ARHGAP24: variants seen among roughly 807,000 people sequenced by gnomAD.
ARHGAP24 encodes rho GTPase-activating protein 24.
ARHGAP24 carries 50 observed loss-of-function variants against 76.4 expected under a neutral mutation model. That is an observed-to-expected ratio of 0.65 (90% CI 0.52 to 0.83). ARHGAP24 has a LOEUF of 0.83. Ranked by LOEUF, ARHGAP24 falls within the 40% of genes least tolerant of loss-of-function variation. The probability of loss-of-function intolerance (pLI) is 0.00; values close to 1 mark genes in which losing one functional copy is unlikely to be tolerated. For missense variants in ARHGAP24, 930 were observed against 914.2 expected (o/e 1.02, Z -0.22); for synonymous variants, 345 against 323.3 (o/e 1.07, Z -0.72).
intron 3 of ARHGAP24, among the ~76,000 whole-genome samples, chr4:85,914,686 T>A (rs1424034462): frequency 6.6e-6 from 1 of 152,178 alleles, no homozygotes; most frequent in African/African-American, 2.4e-5. Context: ...TCTCACCAAT[T>A]TTCCTCAGTA....
At chr4:85,545,299 C>T (rs181087279) in intron 1 of ARHGAP24, among the ~76,000 whole-genome samples, 15 of 152,108 alleles carry the variant, frequency 9.9e-5, no homozygotes, top group African/African-American at 3.4e-4. Flanking sequence ...GGGGTTTCGC[C>T]AAGTTGGCCA....
At chr4:85,786,423 A>C (rs1727846560) in intron 3 of ARHGAP24, among the ~76,000 whole-genome samples, 1 of 152,182 alleles carries the variant, frequency 6.6e-6, no homozygotes, top group Non-Finnish European at 1.5e-5. Flanking sequence ...CCTTCCACAC[A>C]ATGTTTTCTT....
Position 85,647,929 on chromosome 4 carries a change from T to C in ARHGAP24, c.181-73956T>C, listed in dbSNP as rs1181105161. On this transcript the variant is annotated intron_variant, in intron 2 of 9. Transcript: ENST00000395184. The stretch of plus-strand genomic sequence containing the variant: ...GTGTCTGTTTTCCCCAACTAGAATG[T>C]AAGCTTTATGTGGGAAGGTATTTTT... Among the ~76,000 whole-genome samples, 5 of 152,206 alleles carry C rather than the reference T, an allele frequency of 3.3e-5. No individual in the cohort carries two copies. In the East Asian group the frequency reaches 9.6e-4, roughly 29 times the overall value.
At chr4:85,908,056 C>T (rs1246226599) in intron 3 of ARHGAP24, among the ~76,000 whole-genome samples, 1 of 152,150 alleles carries the variant, frequency 6.6e-6, no homozygotes, top group African/African-American at 2.4e-5. Context: ...GCAGAAGAGA[C>T]ACTTGAGCTA....
At chr4:85,742,207 G>C (rs1448170431) in intron 3 of ARHGAP24, among the ~76,000 whole-genome samples, 1 of 152,224 alleles carries the variant, frequency 6.6e-6, no homozygotes, top group Non-Finnish European at 1.5e-5. Context: ...GGAGGCAGAA[G>C]CTGGCAGCTG....
At chr4:85,972,526 A>C (rs1009953783) in intron 6 of ARHGAP24, among the ~76,000 whole-genome samples, 4 of 152,294 alleles carry the variant, frequency 2.6e-5, no homozygotes, top group African/African-American at 9.6e-5. Context: ...AGTGGCTTCT[A>C]TACAAAATCC....
intron 3 of ARHGAP24, among the ~76,000 whole-genome samples, chr4:85,856,463 AAAT>A (rs1334416787): frequency 7.3e-6 from 1 of 137,106 alleles, no homozygotes; most frequent in African/African-American, 2.6e-5. Context: ...TTTTAAAAGG[AAAT>A]TACTCTTTTT....
chr4:85,750,920 GT>G (rs1471895020), intron 3 of ARHGAP24, among the ~76,000 whole-genome samples: 1 of 152,132 alleles, frequency 6.6e-6, no homozygotes, highest in African/African-American at 2.4e-5. Context: ...TTTGTTGCAG[GT>G]ATCAAAGAGT....
chr4:85,853,782 C>T (rs1023281009), intron 3 of ARHGAP24, among the ~76,000 whole-genome samples: 6 of 151,956 alleles, frequency 3.9e-5, no homozygotes, highest in African/African-American at 1.5e-4. Context: ...GGTGAAACCT[C>T]GTCTCTACTA....
intron 2 of ARHGAP24, among the ~76,000 whole-genome samples, chr4:85,702,982 C>T (rs1386404202): frequency 7.0e-6 from 1 of 141,904 alleles, no homozygotes; most frequent in Non-Finnish European, 1.6e-5. Flanking sequence ...AAGTGAGACC[C>T]CCACCGAGAA....
chr4:85,557,420 C>G (rs1726429605), intron 1 of ARHGAP24, among the ~76,000 whole-genome samples: 1 of 152,210 alleles, frequency 6.6e-6, no homozygotes, highest in African/African-American at 2.4e-5. Flanking sequence ...CTGTGTTGGT[C>G]TGGAGGCCGC....
chr4:85,607,490 A>G (rs1720236406), intron 2 of ARHGAP24, among the ~76,000 whole-genome samples: 1 of 152,028 alleles, frequency 6.6e-6, no homozygotes, highest in Non-Finnish European at 1.5e-5. Context: ...TCACTAAAAA[A>G]ATATCATGCA....
chr4:85,764,402 A>G (rs1020285389), intron 3 of ARHGAP24, among the ~76,000 whole-genome samples: 2 of 152,152 alleles, frequency 1.3e-5, no homozygotes, highest in African/African-American at 4.8e-5. Context: ...CGCATTCCCA[A>G]GCAATATTAA....
chr4:85,983,996 A>C (rs1466364281), intron 8 of ARHGAP24, among the ~76,000 whole-genome samples: 1 of 152,248 alleles, frequency 6.6e-6, no homozygotes, highest in Non-Finnish European at 1.5e-5. Context: ...GCTCATCAGT[A>C]AGCCTGCGAA....
chr4:85,697,984 A>G (rs555361406), intron 2 of ARHGAP24, among the ~76,000 whole-genome samples: 11 of 152,328 alleles, frequency 7.2e-5, no homozygotes, highest in African/African-American at 2.6e-4. Context: ...ATATTTTCTT[A>G]GGCAAACATA....
At chr4:85,679,174 G>C (rs1295199521) in intron 2 of ARHGAP24, among the ~76,000 whole-genome samples, 2 of 152,154 alleles carry the variant, frequency 1.3e-5, no homozygotes, top group East Asian at 3.9e-4. Context: ...TTGTGGTGTA[G>C]ATGAAAGCTT....
intron 3 of ARHGAP24, among the ~76,000 whole-genome samples, chr4:85,890,574 T>C (rs1733829762): frequency 6.6e-6 from 1 of 152,106 alleles, no homozygotes; most frequent in African/African-American, 2.4e-5. Flanking sequence ...CCTCAGTCTT[T>C]AAGTTTGAAT....
At chr4:85,664,343 G>A (rs1482387012) in intron 2 of ARHGAP24, among the ~76,000 whole-genome samples, 71 of 147,778 alleles carry the variant, frequency 4.8e-4, no homozygotes, top group African/African-American at 1.9e-3. Context: ...TATTTCTTTG[G>A]GATTGGTGGT....
intron 3 of ARHGAP24, among the ~76,000 whole-genome samples, chr4:85,773,667 T>C (rs1028155486): frequency 2.0e-5 from 3 of 152,192 alleles, no homozygotes; most frequent in Admixed American, 2.0e-4. Flanking sequence ...TTAGTCTTCT[T>C]CTTTGTACCC....
Sources: gnomAD v4.1 joint callset for allele counts (sites outside exome capture counted in the v4.1 genomes callset) on GRCh38, gnomAD v4.1.1 for gene constraint, MANE v1.5 for transcripts, NCBI Gene and HGNC (gene_info 2026-07-23, HGNC 2026-07-21) for gene names.